Variants in WLS observed in about 807,000 individuals in gnomAD.
WLS encodes Wnt ligand secretion mediator, also known as protein wntless homolog.
Under a neutral mutation model 62.8 loss-of-function variants are expected in WLS, and 23 were observed. That is an observed-to-expected ratio of 0.37 (90% CI 0.26 to 0.52). WLS has a LOEUF of 0.52. Among genes scored for constraint, WLS ranks in the 20% least tolerant of loss-of-function variants. The pLI is 0.92. For missense variants in WLS, 615 were observed against 697.3 expected, an observed-to-expected ratio of 0.88 and a Z score of 1.33; for synonymous variants, 246 against 244.1, an observed-to-expected ratio of 1.01 and a Z score of -0.07.
intron 2 of WLS, chr1:68,163,080 A>T: frequency 6.4e-7 from 1 of 1,568,002 alleles, no homozygotes; most frequent in Non-Finnish European, 8.8e-7. Context: ...GTGCTTATCC[A>T]CAAGGGCCAT....
At chr1:68,118,387 T>C (rs1436379800) in intron 11 of WLS, among the ~76,000 whole-genome samples, 1 of 152,224 alleles carries the variant, frequency 6.6e-6, no homozygotes, top group Non-Finnish European at 1.5e-5. Flanking sequence ...CCACAGCCTC[T>C]CTCATTCTGC....
At chr1:68,118,300 G>A (rs754544407) in intron 11 of WLS, among the ~76,000 whole-genome samples, 2 of 152,332 alleles carry the variant, frequency 1.3e-5, no homozygotes, top group South Asian at 2.1e-4. Flanking sequence ...TACTGGTAAT[G>A]AAGTAAATGC....
At chr1:68,120,057 C>G (rs780800994) in intron 11 of WLS, among the ~76,000 whole-genome samples, 2 of 152,154 alleles carry the variant, frequency 1.3e-5, no homozygotes, top group Non-Finnish European at 2.9e-5. Flanking sequence ...ATAAACCACC[C>G]CTGTGATGCC....
Position 68,148,632 on chromosome 1 carries a change from C to T in WLS, c.1001G>A (p.Gly334Glu), listed in dbSNP as rs191705869. The change falls in exon 7 of 12, where the codon GGG becomes GAG. Residue 334 changes from glycine (G) to glutamate (E), a missense_variant. Gly to Glu is a moderately conservative substitution (Grantham distance 98, BLOSUM62 -2). Transcript: ENST00000262348. Reference protein sequence around the residue: ...MDQHERNHIAGYWKQVGPIAV... With the variant: ...MDQHERNHIAEYWKQVGPIAV... ...AATGGGTCCGACTTGCTTCCAATAC[C>T]CTGCGATGTGGTTCCGCTCGTGCTG... 1 of 1,614,044 alleles carries T rather than the reference C, an allele frequency of 6.2e-7. No homozygotes were observed. Among genetic ancestry groups the T allele is most frequent in the East Asian group, 2.2e-5 (1 of 44,884 alleles).
At chr1:68,104,955 C>T (rs1646125185) in intron 11 of WLS, among the ~76,000 whole-genome samples, 1 of 152,142 alleles carries the variant, frequency 6.6e-6, no homozygotes, top group African/African-American at 2.4e-5. Flanking sequence ...GGGATTGCAC[C>T]CTCCTGTCTC....
chr1:68,138,105 G>T, intron 10 of WLS, 172 bp from the exon 11 acceptor site: 1 of 767,882 alleles, frequency 1.3e-6, no homozygotes, highest in Admixed American at 2.9e-5. Context: ...GTAAATTAAG[G>T]TCAACTGAAG....
intron 11 of WLS, among the ~76,000 whole-genome samples, chr1:68,135,514 GCA>G (rs927447590): frequency 2.0e-5 from 3 of 152,044 alleles, no homozygotes; most frequent in Non-Finnish European, 4.4e-5. Flanking sequence ...GAGCAGTGGT[GCA>G]CAGAGGGTTA....
intron 1 of WLS, among the ~76,000 whole-genome samples, chr1:68,225,106 A>G (rs1037623500): frequency 1.3e-5 from 2 of 151,922 alleles, no homozygotes; most frequent in African/African-American, 2.4e-5. Flanking sequence ...AACGCTTTCC[A>G]TAGTCCCCCA....
At chr1:68,231,302 G>A (rs1452437312) in intron 1 of WLS, among the ~76,000 whole-genome samples, 1 of 152,126 alleles carries the variant, frequency 6.6e-6, no homozygotes, top group African/African-American at 2.4e-5. Flanking sequence ...CTCCCGGGGC[G>A]GGCGCTGTCG....
intron 1 of WLS, among the ~76,000 whole-genome samples, chr1:68,230,594 T>TGG: frequency 6.6e-6 from 1 of 151,534 alleles, no homozygotes; most frequent in Non-Finnish European, 1.5e-5. Context: ...CGCGCGTGTG[T>TGG]GTGTGTGTGT....
At chr1:68,122,527 A>C (rs1646375956), downstream of WLS, among the ~76,000 whole-genome samples, 1 of 152,040 alleles carries the variant, frequency 6.6e-6, no homozygotes, top group African/African-American at 2.4e-5. Flanking sequence ...TAGCAATTGC[A>C]TTTTATTTGT....
chr1:68,207,429 T>C (rs1035498839), intron 1 of WLS, among the ~76,000 whole-genome samples: 7 of 152,236 alleles, frequency 4.6e-5, no homozygotes, highest in African/African-American at 1.7e-4. Context: ...CAAGAGATCA[T>C]TGACAAAATT....
intron 11 of WLS, among the ~76,000 whole-genome samples, chr1:68,099,213 TTA>T (rs1646046591): frequency 6.6e-6 from 1 of 152,178 alleles, no homozygotes; most frequent in African/African-American, 2.4e-5. Context: ...TTATTTTTTT[TTA>T]TATGTCTTAT....
At chr1:68,176,230 G>A (rs1193302287) in intron 2 of WLS, 1 of 144,064 alleles carries the variant, frequency 6.9e-6, no homozygotes, top group Non-Finnish European at 1.5e-5. Flanking sequence ...CACAATTACT[G>A]GCAACCCCTA....
intron 1 of WLS, among the ~76,000 whole-genome samples, chr1:68,219,882 CA>C (rs1649874907): frequency 6.6e-6 from 1 of 151,836 alleles, no homozygotes; most frequent in Non-Finnish European, 1.5e-5. Flanking sequence ...TATCTAGAAG[CA>C]AAAAAATTTC....
intron 11 of WLS, among the ~76,000 whole-genome samples, chr1:68,133,408 A>C (rs1223281879): frequency 6.6e-6 from 1 of 152,156 alleles, no homozygotes; most frequent in Non-Finnish European, 1.5e-5. Flanking sequence ...GCCACCTTTC[A>C]AGAGGTAGAT....
rs1474580561 is a variant in WLS, at chr1:68,170,602, C to CT, written c.380-11356dup. ...ATTACAAAAGGCTTCTTTATCTGGG[C>CT]TGCAGACAGTGCTTGGCATCCCCGC... is the stretch of plus-strand genomic sequence containing the variant. On this transcript the variant is annotated intron_variant, in intron 2 of 11. Transcript: ENST00000262348. 3.9e-5 allele frequency among the ~76,000 whole-genome samples: 6 copies of CT among 152,116 alleles called. No homozygotes were observed. The East Asian group carries it at 1.2e-3, about 29-fold the overall frequency.
At position 68,145,854 on chromosome 1, in the gene WLS, A is replaced by G. The variant is rs1289108969; in HGVS notation, c.1278+15T>C. 2 of 1,614,022 alleles carry G rather than the reference A, an allele frequency of 1.2e-6. No individual in the cohort carries two copies. Among genetic ancestry groups the G allele is most frequent in the East Asian group, 2.2e-5 (1 of 44,872 alleles). On this transcript the variant is annotated intron_variant, in intron 9 of 11. Transcript: ENST00000262348. ...GCAAGCACCAGTTCCAGAACGAGCC[A>G]AGAAATCTGCCCACCTCATAGTGTA...
At chr1:68,106,787 A>G (rs60945573) in intron 11 of WLS, among the ~76,000 whole-genome samples, 2 of 151,748 alleles carry the variant, frequency 1.3e-5, no homozygotes, top group Non-Finnish European at 2.9e-5. Flanking sequence ...TATAGAGGCT[A>G]CTGGTATGCA....
Sources: allele counts gnomAD v4.1 joint callset (sites outside exome capture counted in the v4.1 genomes callset), GRCh38; gene constraint gnomAD v4.1.1; transcripts MANE v1.5; gene names NCBI Gene and HGNC (gene_info 2026-07-23, HGNC 2026-07-21).